CEACAM19: variants seen among roughly 807,000 people sequenced by gnomAD.
The protein encoded by CEACAM19 is CEA cell adhesion molecule 19.
Under a neutral mutation model 37.6 loss-of-function variants are expected in CEACAM19, and 37 were observed. That is an observed-to-expected ratio of 0.98 (90% CI 0.76 to 1.29). The LOEUF (loss-of-function observed/expected upper bound fraction) is 1.29, where lower values mean the gene tolerates loss of function less well. Among genes scored for constraint, CEACAM19 ranks in the 50% most tolerant of loss-of-function variants. CEACAM19 has a pLI of 0.00. For missense variants in CEACAM19, 340 were observed against 375.6 expected, an observed-to-expected ratio of 0.91 and a Z score of 0.78; for synonymous variants, 140 against 149.8, an observed-to-expected ratio of 0.93 and a Z score of 0.48.
At chr19:44,673,304 G>A (rs761056713) in intron 2 of CEACAM19, among the ~76,000 whole-genome samples, 10 of 152,166 alleles carry the variant, frequency 6.6e-5, no homozygotes, top group Non-Finnish European at 1.2e-4. Flanking sequence ...TTTATAAAGC[G>A]AGTATTTACT....
chr19:44,677,061 T>C (rs1345431651), intron 3 of CEACAM19, among the ~76,000 whole-genome samples: 1 of 152,210 alleles, frequency 6.6e-6, no homozygotes, highest in African/African-American at 2.4e-5. Flanking sequence ...CTCTCCCCTG[T>C]TGCCACAAGA....
intron 2 of CEACAM19, among the ~76,000 whole-genome samples, chr19:44,674,239 CAAA>C (rs1196127410): frequency 1.6e-5 from 2 of 127,364 alleles, no homozygotes; most frequent in Non-Finnish European, 3.4e-5. Context: ...GACTCCATCT[CAAA>C]AAAAAAAAAA....
At chr19:44,672,115 A>C in intron 1 of CEACAM19, 129 bp downstream of exon 1, 1 of 759,570 alleles carries the variant, frequency 1.3e-6, no homozygotes, top group Non-Finnish European at 2.2e-6. Flanking sequence ...GGGGAGGGGC[A>C]ACAGAATCAC....
At chr19:44,667,804 AT>A (rs1485162807), upstream of CEACAM19, among the ~76,000 whole-genome samples, 2,422 of 71,776 alleles carry the variant, frequency 0.034, 152 homozygotes, top group African/African-American at 0.12. Flanking sequence ...AAATTATATA[AT>A]TTATATATTA....
At chr19:44,666,766 G>A (rs1973721720), upstream of CEACAM19, among the ~76,000 whole-genome samples, 2 of 151,518 alleles carry the variant, frequency 1.3e-5, no homozygotes, top group Admixed American at 1.3e-4. Flanking sequence ...ATCCCTCCAG[G>A]GAAAATACAC....
intron 2 of CEACAM19, chr19:44,673,920 G>A (rs909133630): frequency 6.6e-6 from 1 of 152,158 alleles, no homozygotes; most frequent in African/African-American, 2.4e-5. Flanking sequence ...TTTATATGTT[G>A]AAATCCTAAC....
chr19:44,678,770 C>G, intron 3 of CEACAM19, 83 bp from the exon 4 acceptor site: 4 of 1,491,670 alleles, frequency 2.7e-6, no homozygotes, highest in African/African-American at 1.4e-5. Context: ...TCTCCATTTT[C>G]CTTCATAGGG....
In CEACAM19 at chr19:44,678,914, C is replaced by A. The variant is rs766087535; in HGVS notation, c.637C>A (p.Pro213Thr). The change falls in exon 4 of 8, where the codon CCT becomes ACT. Residue 213 changes from proline to threonine, a missense_variant. Coordinates refer to ENST00000358777, the MANE Select transcript of CEACAM19 (RefSeq NM_001127893.3). ...CTTGTGCTCGGCTGTATCCCCAGTG[C>A]CTTCAGTGACGCCCAGCACATGGTT... is the stretch of plus-strand genomic sequence containing the variant. ...SILCSAVSPV[P>T]SVTPSTWMAT... 2 of 1,614,016 alleles carry A rather than the reference C, an allele frequency of 1.2e-6. No homozygotes were observed. Among genetic ancestry groups the A allele is most frequent in the South Asian group, 2.2e-5 (2 of 91,048 alleles).
upstream of CEACAM19, among the ~76,000 whole-genome samples, chr19:44,667,938 T>A (rs1259512365): frequency 1.3e-5 from 1 of 77,260 alleles, no homozygotes; most frequent in Non-Finnish European, 2.1e-5. Flanking sequence ...ATATATAAAA[T>A]ATATATAAAT....
intron 2 of CEACAM19, among the ~76,000 whole-genome samples, chr19:44,675,097 C>CGTGTGTGTGTGTGT (rs59147604): frequency 9.3e-4 from 134 of 143,900 alleles, no homozygotes; most frequent in African/African-American, 2.2e-3. Flanking sequence ...CAGAGAACAG[C>CGTGTGTGTGTGTGT]GTGTGTGTGT....
chr19:44,668,046 TTATG>T (rs983472105), upstream of CEACAM19, among the ~76,000 whole-genome samples: 22 of 86,636 alleles, frequency 2.5e-4, no homozygotes, highest in Non-Finnish European at 3.5e-4. Flanking sequence ...ATTTATATGT[TTATG>T]TATATATAAA....
At position 44,680,310 on chromosome 19, in the gene CEACAM19, G is replaced by C; in HGVS notation, c.682G>C (p.Glu228Gln). Residue 228 changes from glutamate to glutamine, a missense_variant, in exon 5 of 8, where the codon GAA becomes CAA. Coordinates refer to ENST00000358777, the MANE Select transcript of CEACAM19 (RefSeq NM_001127893.3). ...CAGGATGGCGACCACAGAGAAGCCA[G>C]AATTGGGCCCTGCTCATGATGCTGG... ...STWMATTEKP[E>Q]LGPAHDAGDN... The C allele has an allele frequency of 6.2e-7, 1 of 1,610,614 alleles. No homozygotes were observed.
At position 44,681,216 on chromosome 19, in the gene CEACAM19, C is replaced by T. The variant is rs187610606; in HGVS notation, c.707-11C>T. 145 of 1,610,644 alleles carry T rather than the reference C, an allele frequency of 9.0e-5. No individual in the cohort carries two copies. The Admixed American group carries it at 2.4e-3, about 27-fold the overall frequency. On this transcript the variant is annotated splice_polypyrimidine_tract_variant and intron_variant, in intron 5 of 7. Coordinates refer to ENST00000358777, the MANE Select transcript of CEACAM19 (RefSeq NM_001127893.3). ...TGTGTCAGCTGGTACCTCCCCTGGC[C>T]TCTGTTTCAGGTGACAACAACATCT...
intron 2 of CEACAM19, 62 bp from the exon 3 acceptor site, chr19:44,676,209 G>T: frequency 1.3e-6 from 2 of 1,541,678 alleles, no homozygotes; most frequent in East Asian, 2.3e-5. Context: ...GTGAGGGACT[G>T]GGGGAGCCCT....
upstream of CEACAM19, chr19:44,666,849 CAATAAT>C (rs1299820452): frequency 6.6e-6 from 1 of 151,890 alleles, no homozygotes; most frequent in Non-Finnish European, 1.5e-5. Flanking sequence ...AGGTCAACAG[CAATAAT>C]AATAATAACA....
upstream of CEACAM19, among the ~76,000 whole-genome samples, chr19:44,668,531 A>ATATTAT (rs1568512947): frequency 1.3e-4 from 5 of 39,708 alleles, 1 homozygote; most frequent in African/African-American, 5.5e-4. Context: ...ATAAATATAT[A>ATATTAT]ATATATGTAT....
At chr19:44,673,886 C>T (rs566537863) in intron 2 of CEACAM19, 1 of 152,256 alleles carries the variant, frequency 6.6e-6, no homozygotes, top group Admixed American at 6.5e-5. Context: ...TTGCCATTTC[C>T]ACAGGACACA....
At chr19:44,675,482 T>A (rs868032168) in intron 2 of CEACAM19, among the ~76,000 whole-genome samples, 1 of 151,710 alleles carries the variant, frequency 6.6e-6, no homozygotes, top group Non-Finnish European at 1.5e-5. Context: ...TCAACCGAAG[T>A]GAGAAAAAGC....
chr19:44,668,390 ATTTATATAATATG>A (rs1209988294), upstream of CEACAM19, among the ~76,000 whole-genome samples: 123 of 54,572 alleles, frequency 2.3e-3, 3 homozygotes, highest in South Asian at 9.2e-3. Flanking sequence ...TATATAATAT[ATTTATATAATATG>A]TTTATATATT....
Sources: gnomAD v4.1 joint callset for allele counts (sites outside exome capture counted in the v4.1 genomes callset) on GRCh38, gnomAD v4.1.1 for gene constraint, MANE v1.5 for transcripts, NCBI Gene and HGNC (gene_info 2026-07-23, HGNC 2026-07-21) for gene names.